The following KCNG4 variants were observed in gnomAD, a reference collection of about 807,000 sequenced individuals.
The protein encoded by KCNG4 is voltage-gated potassium channel regulatory subunit KCNG4.
A neutral mutation model predicts 28.2 loss-of-function variants in KCNG4; 30 were observed. The observed-to-expected ratio is 1.06, with a 90% CI of 0.80 to 1.44. KCNG4 has a LOEUF of 1.44. KCNG4 is among the 40% of genes most tolerant of loss of function. The pLI is 0.00. For synonymous variants in KCNG4, 375 were observed against 315.5 expected, an observed-to-expected ratio of 1.19 and a Z score of -2.00; for missense variants, 879 against 712.3, an observed-to-expected ratio of 1.23 and a Z score of -2.66.
chr16:84,220,468 G>GC lies in KCNG4; in HGVS notation c.*1748dup, dbSNP rs1193401102. Reference sequence around the variant, plus strand: ...CTCTGCCACGCTGCTGTCTGGCATTGCCATCAGTGGAGGACTATGCCTGGC... The same window carrying GC: ...CTCTGCCACGCTGCTGTCTGGCATTGCCCATCAGTGGAGGACTATGCCTGGC... On this transcript the variant is annotated 3_prime_UTR_variant, in exon 3 of 3. Coordinates refer to ENST00000308251, the MANE Select transcript of KCNG4 (RefSeq NM_172347.3). The GC allele has an allele frequency of 6.6e-6, 1 of 152,262 alleles. No individual in the cohort carries two copies. The highest frequency in any genetic ancestry group is 2.4e-5 in the African/African-American group (1 of 41,460). 9.4% of individuals were successfully genotyped at this position (152,262 alleles called of 1,614,324 possible). A position where few individuals can be genotyped will look rare whatever the true frequency, so the allele number is the denominator to read the frequency against.
chr16:84,237,244 G>A lies in KCNG4; in HGVS notation c.242C>T (p.Pro81Leu), dbSNP rs200723775. The change falls in exon 2 of 3, where the codon CCG becomes CTG. Residue 81 changes from proline (P) to leucine (L), a missense_variant. Physicochemically the swap from Pro to Leu is moderately conservative, Grantham distance 98. Coordinates refer to ENST00000308251, the MANE Select transcript of KCNG4 (RefSeq NM_172347.3). ...CCTGAGTTTGCTCAGGCGGCTCAGC[G>A]GGAACCGGTCCAGTGTGCTCCAGGG... ...LLPWSTLDRF[P>L]LSRLSKLRLC... 171 of 1,614,016 alleles carry A rather than the reference G, an allele frequency of 1.1e-4. No individual in the cohort carries two copies. Among genetic ancestry groups the A allele is most frequent in the Non-Finnish European group, 1.3e-4 (155 of 1,179,992 alleles).
At chr16:84,227,706 C>T (rs916200849) in intron 2 of KCNG4, among the ~76,000 whole-genome samples, 58 of 152,238 alleles carry the variant, frequency 3.8e-4, no homozygotes, top group African/African-American at 1.3e-3. Context: ...ACATAAAATG[C>T]GGCCTATTCA....
At chr16:84,232,415 G>A (rs1326710098) in intron 2 of KCNG4, among the ~76,000 whole-genome samples, 1 of 152,216 alleles carries the variant, frequency 6.6e-6, no homozygotes, top group African/African-American at 2.4e-5. Context: ...GTGATTGCCA[G>A]GGGCTGGTGG....
At chr16:84,237,567 T>C in intron 1 of KCNG4, 42 bp from the exon 2 acceptor site, 5 of 1,377,124 alleles carry the variant, frequency 3.6e-6, no homozygotes, top group South Asian at 1.9e-5. Context: ...GGAAGGGAAA[T>C]CAGTCTTGGG....
intron 2 of KCNG4, among the ~76,000 whole-genome samples, chr16:84,234,094 G>A (rs908812302): frequency 1.1e-4 from 16 of 152,234 alleles, no homozygotes; most frequent in South Asian, 4.2e-4. Flanking sequence ...TGGGAAATCC[G>A]GAACTTTAAA....
chr16:84,238,742 C>T, intron 1 of KCNG4, among the ~76,000 whole-genome samples: 1 of 152,158 alleles, frequency 6.6e-6, no homozygotes. Context: ...GTGGCATGTA[C>T]CTGTAGTCCC....
chr16:84,237,184 C>T lies in KCNG4; in HGVS notation c.302G>A (p.Cys101Tyr). 6.2e-7 allele frequency: 1 copy of T among 1,614,192 alleles called. No homozygotes were observed. Reference protein sequence around the residue: ...CRSYEEIVQLCDDYDEDSQEF... With the variant: ...CRSYEEIVQLYDDYDEDSQEF... ...CTGGCTGTCCTCGTCGTAATCATCG[C>T]AGAGCTGCACGATCTCCTCGTAGCT... is the stretch of plus-strand genomic sequence containing the variant. Residue 101 changes from cysteine to tyrosine, a missense_variant, in exon 2 of 3, where the codon TGC becomes TAC. Cys to Tyr is a radical substitution (Grantham distance 194, BLOSUM62 -2). Coordinates refer to ENST00000308251, the MANE Select transcript of KCNG4 (RefSeq NM_172347.3).
chr16:84,230,646 T>A (rs1904807015), intron 2 of KCNG4, among the ~76,000 whole-genome samples: 2 of 152,180 alleles, frequency 1.3e-5, no homozygotes, highest in African/African-American at 4.8e-5. Flanking sequence ...CACTGAAATG[T>A]CTACAGTCCA....
chr16:84,222,450 T>C lies in KCNG4; in HGVS notation c.1327A>G (p.Ile443Val). Reference sequence around the variant, plus strand: ...GTGGCCGGGAAGGCCATGATGAGGATCCCGCTCAGGATGCTGCTGAGGGCC... The same window carrying C: ...GTGGCCGGGAAGGCCATGATGAGGACCCCGCTCAGGATGCTGCTGAGGGCC... ...MVALSSILSG[I>V]LIMAFPATSI... The change falls in exon 3 of 3, where the codon ATC becomes GTC. Residue 443 changes from isoleucine (I) to valine (V), a missense_variant. Physicochemically the swap from Ile to Val is conservative, Grantham distance 29. Transcript: ENST00000308251. 1 of 1,613,934 alleles carries C rather than the reference T, an allele frequency of 6.2e-7. No individual in the cohort carries two copies. Among genetic ancestry groups the C allele is most frequent in the Non-Finnish European group, 8.5e-7 (1 of 1,179,990 alleles).
At position 84,227,597 on chromosome 16, in the gene KCNG4, A is replaced by G. The variant is rs183960291; in HGVS notation, c.757-4577T>C. ...GTCTCAGAAAAAAACAAAACAAAACAAAACCCAAAAAAACTTGTACACAAA... is the reference window on the plus strand; with the variant it reads ...GTCTCAGAAAAAAACAAAACAAAACGAAACCCAAAAAAACTTGTACACAAA... On this transcript the variant is annotated intron_variant, in intron 2 of 2. Coordinates refer to ENST00000308251, the MANE Select transcript of KCNG4 (RefSeq NM_172347.3). Among the ~76,000 whole-genome samples, 84 of 152,278 alleles carry G rather than the reference A, an allele frequency of 5.5e-4. No individual in the cohort carries two copies. The East Asian group carries it at 0.015, about 28-fold the overall frequency.
rs244877 is a variant in KCNG4 at position 84,223,239 on chromosome 16, T to C, written c.757-219A>G. Among the ~76,000 whole-genome samples, 977 of 152,194 alleles carry C rather than the reference T, an allele frequency of 6.4e-3. 7 individuals carry two copies. Among genetic ancestry groups the C allele is most frequent in the African/African-American group, 0.022 (927 of 41,506 alleles). ...TCCCTTGCCGCTAGGTGTGGCCAAA[T>C]ATGACTAAGTCCTCACCTCCGGACT... On this transcript the variant is annotated intron_variant, in intron 2 of 2. Coordinates refer to ENST00000308251, the MANE Select transcript of KCNG4 (RefSeq NM_172347.3).
rs371804296 is a variant in KCNG4, at chr16:84,226,677, G to A, written c.757-3657C>T. Among the ~76,000 whole-genome samples, 13 of 135,900 alleles carry A rather than the reference G, an allele frequency of 9.6e-5. No individual in the cohort carries two copies. Among genetic ancestry groups the A allele is most frequent in the East Asian group, 8.0e-4 (4 of 4,974 alleles). 89.2% of individuals were successfully genotyped at this position (135,900 alleles called of 152,430 possible). On this transcript the variant is annotated intron_variant, in intron 2 of 2. Coordinates refer to ENST00000308251, the MANE Select transcript of KCNG4 (RefSeq NM_172347.3). This position sits in a 1 kb window ranked among gnomAD's most constrained non-coding sequence, Gnocchi z 4.1. ...GTGGATCACCTGAGGTCAGGAGTTC[G>A]AGACCAGCCTGACCAATATGGTGAA...
At chr16:84,238,631 G>T (rs1905033798) in intron 1 of KCNG4, among the ~76,000 whole-genome samples, 1 of 152,212 alleles carries the variant, frequency 6.6e-6, no homozygotes, top group African/African-American at 2.4e-5. Flanking sequence ...CCAGCACTTT[G>T]CGAGGCAGAG....
intron 2 of KCNG4, among the ~76,000 whole-genome samples, chr16:84,227,973 A>C (rs1904734778): frequency 6.6e-6 from 1 of 152,192 alleles, no homozygotes; most frequent in Non-Finnish European, 1.5e-5. Flanking sequence ...ACTAAAGACC[A>C]CCGAATTGTG....
intron 2 of KCNG4, among the ~76,000 whole-genome samples, 180 bp from the exon 3 acceptor site, chr16:84,223,200 T>C (rs1904621432): frequency 1.3e-5 from 2 of 152,148 alleles, no homozygotes; most frequent in South Asian, 4.1e-4. Context: ...GGTCAGAGAC[T>C]GTTCTTTCTG....
At chr16:84,225,131 C>T (rs1904668681) in intron 2 of KCNG4, among the ~76,000 whole-genome samples, 1 of 152,100 alleles carries the variant, frequency 6.6e-6, no homozygotes, top group Non-Finnish European at 1.5e-5. Context: ...ACCACAGTCT[C>T]CTGGTCAGTG....
At position 84,220,752 on chromosome 16, in the gene KCNG4, G is replaced by A. The variant is rs765087605; in HGVS notation, c.*1465C>T. On this transcript the variant is annotated 3_prime_UTR_variant, in exon 3 of 3. Coordinates refer to ENST00000308251, the MANE Select transcript of KCNG4 (RefSeq NM_172347.3). The stretch of plus-strand genomic sequence containing the variant: ...GGTGTGTCCTGCTGGGAGAAGCCAG[G>A]ATTTGACAGAATCTTGCAGGATTAA... 1 of 152,274 alleles carries A rather than the reference G, an allele frequency of 6.6e-6. No individual in the cohort carries two copies. Among genetic ancestry groups the A allele is most frequent in the Non-Finnish European group, 1.5e-5 (1 of 68,082 alleles). 9.4% of individuals were successfully genotyped at this position (152,274 alleles called of 1,614,324 possible). A position where few individuals can be genotyped will look rare whatever the true frequency, so the allele number is the denominator to read the frequency against.
Position 84,239,746 on chromosome 16 carries a change from G to A in KCNG4, c.-117C>T, listed in dbSNP as rs1198822721. 1 of 150,582 alleles carries A rather than the reference G, an allele frequency of 6.6e-6. No individual in the cohort carries two copies. Among genetic ancestry groups the A allele is most frequent in the Non-Finnish European group, 1.5e-5 (1 of 67,698 alleles). The allele number at this position is 150,582 out of a possible 1,614,324, so 9.3% of individuals were successfully genotyped here. Reference sequence around the variant, plus strand: ...AGCCCATCTCTTGGTGCCCAGGGAAGGGACAGGTTTCTGGTGGAGATGAAG... The same window carrying A: ...AGCCCATCTCTTGGTGCCCAGGGAAAGGACAGGTTTCTGGTGGAGATGAAG... On this transcript the variant is annotated 5_prime_UTR_variant, in exon 1 of 3. Coordinates refer to ENST00000308251, the MANE Select transcript of KCNG4 (RefSeq NM_172347.3).
intron 2 of KCNG4, among the ~76,000 whole-genome samples, chr16:84,233,140 T>C (rs977268353): frequency 6.6e-6 from 1 of 152,168 alleles, no homozygotes; most frequent in African/African-American, 2.4e-5. Context: ...TTTCGGCCTG[T>C]CCCAGCTGCT....
Sources: gnomAD v4.1 joint callset for allele counts (sites outside exome capture counted in the v4.1 genomes callset) on GRCh38, gnomAD v4.1.1 for gene constraint, Gnocchi (gnomAD v3.1) non-coding constraint, MANE v1.5 for transcripts, NCBI Gene and HGNC (gene_info 2026-07-23, HGNC 2026-07-21) for gene names.